The following VASH1 variants were observed in gnomAD, a reference collection of about 807,000 sequenced individuals.
VASH1 encodes tubulinyl-Tyr carboxypeptidase 1.
Under a neutral mutation model 35.0 loss-of-function variants are expected in VASH1, and 16 were observed. That is an observed-to-expected ratio of 0.46 (90% CI 0.31 to 0.70). VASH1 has a LOEUF of 0.70. VASH1 is among the 30% of genes least tolerant of loss of function. The pLI is 0.05. For missense variants in VASH1, 505 were observed against 510.7 expected, an observed-to-expected ratio of 0.99 and a Z score of 0.11; for synonymous variants, 214 against 200.9, an observed-to-expected ratio of 1.07 and a Z score of -0.55.
At position 76,779,072 on chromosome 14, in the gene VASH1, G is replaced by A. The variant is rs1894028848; in HGVS notation, c.*54G>A. 1 of 1,584,926 alleles carries A rather than the reference G, an allele frequency of 6.3e-7. No individual in the cohort carries two copies. Among genetic ancestry groups the A allele is most frequent in the Admixed American group, 1.7e-5 (1 of 60,000 alleles). On this transcript the variant is annotated 3_prime_UTR_variant, in exon 7 of 7. Coordinates refer to ENST00000167106, the MANE Select transcript of VASH1 (RefSeq NM_014909.5). ...CACTCTTGGGGGCCAGGATCCACCTGCTGGAACCAGCCTTATGCATGGGGA... is the reference window on the plus strand; with the variant it reads ...CACTCTTGGGGGCCAGGATCCACCTACTGGAACCAGCCTTATGCATGGGGA...
chr14:76,777,877 A>C, intron 5 of VASH1, 82 bp from the exon 6 acceptor site: 3 of 1,109,946 alleles, frequency 2.7e-6, no homozygotes, highest in Non-Finnish European at 3.6e-6. Flanking sequence ...GGCAGCCTCC[A>C]GGGACCTGTG....
At chr14:76,776,635 G>T (rs149738215) in intron 5 of VASH1, among the ~76,000 whole-genome samples, 147 of 152,260 alleles carry the variant, frequency 9.7e-4, no homozygotes, top group Non-Finnish European at 1.8e-3. Flanking sequence ...AAAGGACTAG[G>T]AGGTGGTCAG....
rs529210745 is a variant in VASH1 at position 76,781,687 on chromosome 14, C to G, written c.*2669C>G. ...CAGCTGATAATCCCCCAGCACTCAC[C>G]CTTCCTGAGCTGAGACTTCGGGGCT... is the stretch of plus-strand genomic sequence containing the variant. On this transcript the variant is annotated 3_prime_UTR_variant, in exon 7 of 7. Coordinates refer to ENST00000167106, the MANE Select transcript of VASH1 (RefSeq NM_014909.5). 6.6e-6 allele frequency: 1 copy of G among 152,660 alleles called. No homozygotes were observed. The highest frequency in any genetic ancestry group is 2.4e-5 in the African/African-American group (1 of 41,578). The allele number at this position is 152,660 out of a possible 1,614,324, so 9.5% of individuals were successfully genotyped here. A position where few individuals can be genotyped will look rare whatever the true frequency, so the allele number is the denominator to read the frequency against.
intron 1 of VASH1, among the ~76,000 whole-genome samples, chr14:76,764,687 CTT>C (rs35292639): frequency 0.025 from 3,399 of 137,274 alleles, 125 homozygotes; most frequent in East Asian, 0.17. Flanking sequence ...TATCAGTTAC[CTT>C]TTTTTTTTTT....
intron 1 of VASH1, chr14:76,769,416 CCTT>C: frequency 1.6e-6 from 2 of 1,289,140 alleles, no homozygotes; most frequent in Non-Finnish European, 2.0e-6. Context: ...CTGACTGACT[CCTT>C]GACAGTTCAA....
Position 76,773,197 on chromosome 14 carries a change from C to T in VASH1, c.516C>T (p.Ala172=), listed in dbSNP as rs759592507. 29 of 1,614,034 alleles carry T rather than the reference C, an allele frequency of 1.8e-5. No homozygotes were observed. Among genetic ancestry groups the T allele is most frequent in the East Asian group, 6.7e-5 (3 of 44,888 alleles). The change falls in exon 4 of 7, where the codon GCC becomes GCT. Residue 172 remains alanine (A), a synonymous_variant. Transcript: ENST00000167106. ...CCCTGCCAATCAAATGCCTGGAAGCCGTGATCCTGGGAATGTATCCTTCCT... is the reference window on the plus strand; with the variant it reads ...CCCTGCCAATCAAATGCCTGGAAGCTGTGATCCTGGGAATGTATCCTTCCT... ...KEALPIKCLE[A]VILGIYLTNS...
chr14:76,779,163 A>C lies in VASH1; in HGVS notation c.*145A>C. 1.1e-6 allele frequency: 1 copy of C among 919,022 alleles called. No homozygotes were observed. The highest frequency in any genetic ancestry group is 2.5e-5 in the East Asian group (1 of 39,376). 56.9% of individuals were successfully genotyped at this position (919,022 alleles called of 1,614,324 possible). Reference sequence around the variant, plus strand: ...AGAGTGTGTTCCAGCTCAGCCCCCCAAGCTGCTCTCGCTCCCACTGAGCCA... The same window carrying C: ...AGAGTGTGTTCCAGCTCAGCCCCCCCAGCTGCTCTCGCTCCCACTGAGCCA... On this transcript the variant is annotated 3_prime_UTR_variant, in exon 7 of 7. Transcript: ENST00000167106.
At chr14:76,772,261 GA>G (rs1053849368) in intron 3 of VASH1, among the ~76,000 whole-genome samples, 5 of 151,966 alleles carry the variant, frequency 3.3e-5, no homozygotes, top group African/African-American at 1.2e-4. Flanking sequence ...AAAAGAAAAA[GA>G]AAAAAAATTT....
rs1357987866 is a variant in VASH1 at position 76,761,619 on chromosome 14, T to TG, written c.-1201dup. On this transcript the variant is annotated 5_prime_UTR_variant, in exon 1 of 7. Transcript: ENST00000167106. ...GGCTTCTCGTTGGCGGGCTCCGCGTTGGCGGGCTGCTCCCCAGGCACCAGC... is the reference window on the plus strand; with the variant it reads ...GGCTTCTCGTTGGCGGGCTCCGCGTTGGGCGGGCTGCTCCCCAGGCACCAGC... 6.6e-6 allele frequency among the ~76,000 whole-genome samples: 1 copy of TG among 151,930 alleles called. No individual in the cohort carries two copies. Among genetic ancestry groups the TG allele is most frequent in the East Asian group, 1.9e-4 (1 of 5,186 alleles).
chr14:76,768,283 G>A (rs1003628432), intron 1 of VASH1, among the ~76,000 whole-genome samples: 10 of 152,236 alleles, frequency 6.6e-5, no homozygotes, highest in African/African-American at 2.2e-4. Flanking sequence ...CCCCCACCCC[G>A]GGTTTTATCT....
At chr14:76,778,426 C>G (rs1368947267) in intron 6 of VASH1, among the ~76,000 whole-genome samples, 2 of 152,158 alleles carry the variant, frequency 1.3e-5, no homozygotes, top group East Asian at 1.9e-4. Context: ...GCCCCCCACC[C>G]AAGAGTCTGG....
At chr14:76,770,596 A>G in intron 2 of VASH1, among the ~76,000 whole-genome samples, 1 of 131,732 alleles carries the variant, frequency 7.6e-6, no homozygotes, top group East Asian at 2.3e-4. Context: ...CTGGGCCCAG[A>G]TTCCTCTGTG....
intron 4 of VASH1, 73 bp downstream of exon 4, chr14:76,773,284 T>TGG (rs768880955): frequency 1.3e-6 from 2 of 1,506,438 alleles, no homozygotes; most frequent in Non-Finnish European, 1.8e-6. Flanking sequence ...AAAGTGAGGG[T>TGG]GGGGTAGGTT....
intron 1 of VASH1, among the ~76,000 whole-genome samples, chr14:76,768,981 G>A (rs1051932682): frequency 2.0e-4 from 31 of 152,296 alleles, no homozygotes; most frequent in Non-Finnish European, 1.2e-4. Context: ...CTGAAACCTC[G>A]GAGGACCCTA....
chr14:76,769,874 CG>C, intron 1 of VASH1, 88 bp from the exon 2 acceptor site: 1 of 1,355,044 alleles, frequency 7.4e-7, no homozygotes, highest in Non-Finnish European at 1.0e-6. Flanking sequence ...CAGGGTGGGG[CG>C]CCTCTGGGGC....
chr14:76,770,011 G>C lies in VASH1; in HGVS notation c.358G>C (p.Glu120Gln). 6.2e-7 allele frequency: 1 copy of C among 1,614,114 alleles called. No homozygotes were observed. ...GTTCCAGCCGTCTACACCTGTCCCT[G>C]AGCGCCTGGAAGCTGTGCAGCGCTA... ...PTFQPSTPVPERLEAVQRYIR... is the reference protein window; with the variant it reads ...PTFQPSTPVPQRLEAVQRYIR... Residue 120 changes from glutamate (E) to glutamine (Q), a missense_variant, in exon 2 of 7, where the codon GAG (glutamate) becomes CAG (glutamine). By Grantham distance (29) the Glu-to-Gln change is conservative. Transcript: ENST00000167106.
intron 1 of VASH1, among the ~76,000 whole-genome samples, chr14:76,765,138 T>G (rs1251995535): frequency 2.6e-5 from 4 of 152,132 alleles, no homozygotes; most frequent in Non-Finnish European, 5.9e-5. Context: ...TATGTCTAAA[T>G]CAGGCCATAA....
intron 4 of VASH1, among the ~76,000 whole-genome samples, chr14:76,774,095 G>T (rs1566685441): frequency 2.0e-5 from 3 of 152,182 alleles, no homozygotes; most frequent in Non-Finnish European, 1.5e-5. Flanking sequence ...AGCCAAGAGG[G>T]TGACGGGGAG....
intron 3 of VASH1, among the ~76,000 whole-genome samples, chr14:76,772,574 T>G (rs767146510): frequency 4.6e-5 from 7 of 152,186 alleles, no homozygotes; most frequent in Non-Finnish European, 8.8e-5. Flanking sequence ...AAGGCTGTCT[T>G]AAAATGGCCT....
Sources: allele counts gnomAD v4.1 joint callset (sites outside exome capture counted in the v4.1 genomes callset), GRCh38; gene constraint gnomAD v4.1.1; transcripts MANE v1.5; gene names NCBI Gene and HGNC (gene_info 2026-07-23, HGNC 2026-07-21).